Variants in GALNT7 observed in about 807,000 individuals in gnomAD.
The protein encoded by GALNT7 is N-acetylgalactosaminyltransferase 7.
Under a neutral mutation model 82.1 loss-of-function variants are expected in GALNT7, and 60 were observed. That is an observed-to-expected ratio of 0.73 (90% confidence interval 0.59 to 0.91). GALNT7 has a LOEUF of 0.91. Among genes scored for constraint, GALNT7 ranks in the 40% least tolerant of loss-of-function variants. GALNT7 has a pLI of 0.00. For synonymous variants in GALNT7, 243 were observed against 275.1 expected, an observed-to-expected ratio of 0.88 and a Z score of 1.15; for missense variants, 660 against 804.2, an observed-to-expected ratio of 0.82 and a Z score of 2.17.
At chr4:173,192,419 G>T (rs144379863) in intron 1 of GALNT7, among the ~76,000 whole-genome samples, 18 of 152,184 alleles carry the variant, frequency 1.2e-4, no homozygotes, top group African/African-American at 2.4e-5. Context: ...ACTGAAAGCC[G>T]TCTCATCCCT....
intron 2 of GALNT7, among the ~76,000 whole-genome samples, chr4:173,286,566 C>T (rs1579991148): frequency 6.6e-6 from 1 of 152,194 alleles, no homozygotes; most frequent in African/African-American, 2.4e-5. Flanking sequence ...AAGCTTCAGC[C>T]AGAATTCCCA....
At chr4:173,262,790 C>T (rs1735326366) in intron 2 of GALNT7, among the ~76,000 whole-genome samples, 1 of 152,264 alleles carries the variant, frequency 6.6e-6, no homozygotes, top group East Asian at 1.9e-4. Flanking sequence ...TAATAGAAGT[C>T]TTTCATGCAT....
intron 1 of GALNT7, among the ~76,000 whole-genome samples, chr4:173,237,202 G>A (rs1317567607): frequency 3.3e-5 from 5 of 152,116 alleles, no homozygotes; most frequent in Non-Finnish European, 7.4e-5. Flanking sequence ...CCCTGGGGTG[G>A]TTATTTTTTC....
chr4:173,288,842 A>ACC (rs1736434345), intron 2 of GALNT7, among the ~76,000 whole-genome samples: 1 of 151,926 alleles, frequency 6.6e-6, no homozygotes, highest in South Asian at 2.1e-4. Flanking sequence ...AATCACAAAC[A>ACC]CAACAACTCT....
At chr4:173,237,184 A>AT (rs567321144) in intron 1 of GALNT7, among the ~76,000 whole-genome samples, 2 of 152,070 alleles carry the variant, frequency 1.3e-5, no homozygotes, top group South Asian at 4.1e-4. Context: ...GCTTTGAGGT[A>AT]TTTTTTTCCC....
At chr4:173,219,065 G>T (rs1160553681) in intron 1 of GALNT7, among the ~76,000 whole-genome samples, 1 of 151,624 alleles carries the variant, frequency 6.6e-6, no homozygotes, top group Non-Finnish European at 1.5e-5. Flanking sequence ...CCAAGATTTT[G>T]GTGCACCTAT....
At chr4:173,301,105 A>G (rs979584577) in intron 6 of GALNT7, among the ~76,000 whole-genome samples, 6 of 152,028 alleles carry the variant, frequency 3.9e-5, no homozygotes, top group Admixed American at 3.9e-4. Flanking sequence ...ACTGTACTCC[A>G]GGCTGGGCCA....
chr4:173,176,467 G>T (rs1469755126), intron 1 of GALNT7, among the ~76,000 whole-genome samples: 2 of 152,166 alleles, frequency 1.3e-5, no homozygotes, highest in African/African-American at 4.8e-5. Flanking sequence ...TGGGTTGGAT[G>T]GTAAATTATA....
intron 1 of GALNT7, among the ~76,000 whole-genome samples, chr4:173,186,956 G>A (rs576622963): frequency 8.6e-5 from 13 of 151,930 alleles, no homozygotes; most frequent in Non-Finnish European, 1.5e-4. Flanking sequence ...TAGTAGAGAC[G>A]GATGTTGGCC....
chr4:173,237,963 A>T (rs568980529), intron 1 of GALNT7, among the ~76,000 whole-genome samples: 1 of 152,292 alleles, frequency 6.6e-6, no homozygotes, highest in South Asian at 2.1e-4. Context: ...CCTCATTTTC[A>T]ATCAGTTCAG....
intron 6 of GALNT7, among the ~76,000 whole-genome samples, chr4:173,299,374 A>G (rs2126842627): frequency 6.6e-6 from 1 of 152,316 alleles, no homozygotes; most frequent in East Asian, 1.9e-4. Context: ...GTGGGAGAAA[A>G]AAAATAAAGG....
rs555565960 is a variant in GALNT7, at chr4:173,287,391, G to A, written c.588-4717G>A. Among the ~76,000 whole-genome samples the A allele has an allele frequency of 5.8e-4, 89 of 152,338 alleles. 1 individual carries two copies. Among genetic ancestry groups the A allele is most frequent in the African/African-American group, 1.6e-3 (65 of 41,586 alleles). ...GTTAAATCTTGGAAGGCCTCTATACGGCAGTGAAGTTGGGGCTTGCCCCGA... is the reference window on the plus strand; with the variant it reads ...GTTAAATCTTGGAAGGCCTCTATACAGCAGTGAAGTTGGGGCTTGCCCCGA... On this transcript the variant is annotated intron_variant, in intron 2 of 11. Coordinates refer to ENST00000265000, the MANE Select transcript of GALNT7 (RefSeq NM_017423.3).
intron 1 of GALNT7, among the ~76,000 whole-genome samples, chr4:173,210,182 A>C (rs959877862): frequency 6.6e-6 from 1 of 152,114 alleles, no homozygotes; most frequent in Admixed American, 6.5e-5. Flanking sequence ...ATGCTTACCT[A>C]GAAACATTGC....
intron 1 of GALNT7, among the ~76,000 whole-genome samples, chr4:173,222,741 T>C (rs1733684275): frequency 6.6e-6 from 1 of 152,210 alleles, no homozygotes; most frequent in South Asian, 2.1e-4. Flanking sequence ...CCTGCGATTA[T>C]ATAGCTAATT....
chr4:173,291,632 G>A (rs150135062), intron 2 of GALNT7, among the ~76,000 whole-genome samples: 3 of 152,110 alleles, frequency 2.0e-5, no homozygotes, highest in African/African-American at 7.2e-5. Context: ...ATATGCCTCA[G>A]GTCAACCTGT....
At position 173,313,805 on chromosome 4, in the gene GALNT7, C is replaced by T. The variant is rs865900339; in HGVS notation, c.1390-153C>T. Among the ~76,000 whole-genome samples the T allele has an allele frequency of 2.0e-5, 3 of 152,036 alleles. No individual in the cohort carries two copies. The South Asian group carries it at 6.2e-4, about 31-fold the overall frequency. ...TCCTTGGCAGATGACATATTAGAGT[C>T]ATTAACTTGCATTTGTTGTTTAATT... On this transcript the variant is annotated intron_variant, in intron 8 of 11. Transcript: ENST00000265000.
At chr4:173,257,209 C>CTATAGGAAT (rs1326118760) in intron 2 of GALNT7, among the ~76,000 whole-genome samples, 57 of 152,144 alleles carry the variant, frequency 3.7e-4, no homozygotes, top group African/African-American at 1.3e-3. Context: ...ACTCCTTGAT[C>CTATAGGAAT]TATAGGAATC....
Position 173,288,307 on chromosome 4 carries a change from A to AAAAG in GALNT7, c.588-3798_588-3795dup, listed in dbSNP as rs1375006692. 8.9e-5 allele frequency among the ~76,000 whole-genome samples: 13 copies of AAAAG among 146,410 alleles called. No homozygotes were observed. The East Asian group carries it at 1.4e-3, about 16-fold the overall frequency. ...CAAAAAAAAAAAAAAAAAAAAAAAG[A>AAAAG]AAAGAACATATGAATTGAATGGCTG... is the stretch of plus-strand genomic sequence containing the variant. On this transcript the variant is annotated intron_variant, in intron 2 of 11. Transcript: ENST00000265000.
intron 1 of GALNT7, among the ~76,000 whole-genome samples, chr4:173,170,173 C>G (rs999580035): frequency 2.0e-5 from 3 of 152,284 alleles, no homozygotes; most frequent in African/African-American, 7.2e-5. Context: ...TCCTCCTCCC[C>G]GCTGGGACAG....
Sources: gnomAD v4.1 joint callset for allele counts (sites outside exome capture counted in the v4.1 genomes callset) on GRCh38, gnomAD v4.1.1 for gene constraint, MANE v1.5 for transcripts, NCBI Gene and HGNC (gene_info 2026-07-23, HGNC 2026-07-21) for gene names.